The following PHF10 variants were observed in gnomAD, a reference collection of about 807,000 sequenced individuals.
PHF10 encodes the protein BRG1-associated factor 45a.
A neutral mutation model predicts 68.5 loss-of-function variants in PHF10; 51 were observed. The observed-to-expected ratio is 0.74, with a 90% CI of 0.59 to 0.94. PHF10 has a LOEUF of 0.94. Among genes scored for constraint, PHF10 ranks in the 40% least tolerant of loss-of-function variants. PHF10 has a pLI of 0.00. For synonymous variants in PHF10, 204 were observed against 203.5 expected (o/e 1.00, Z -0.02); for missense variants, 460 against 602.6 (o/e 0.76, Z 2.48).
At chr6:169,714,631 G>A (rs1411714780) in intron 7 of PHF10, 102 bp downstream of exon 7, 1 of 710,170 alleles carries the variant, frequency 1.4e-6, no homozygotes, top group South Asian at 1.6e-5. Flanking sequence ...GATATCTTAC[G>A]GTGATATCTA....
At chr6:169,716,423 A>C (rs1376622871) in intron 4 of PHF10, among the ~76,000 whole-genome samples, 1 of 152,006 alleles carries the variant, frequency 6.6e-6, no homozygotes, top group Non-Finnish European at 1.5e-5. Context: ...GTACTACAGA[A>C]TACTAGATGA....
chr6:169,707,173 TTAAAC>T (rs1446265239), intron 9 of PHF10: 3 of 151,994 alleles, frequency 2.0e-5, no homozygotes, highest in Non-Finnish European at 4.4e-5. Context: ...AACTTTACTA[TTAAAC>T]TAATCTCCTG....
At position 169,723,998 on chromosome 6, in the gene PHF10, TGCC is replaced by T. The variant is rs1161850118; in HGVS notation, c.-70_-68del. On this transcript the variant is annotated 5_prime_UTR_variant, in exon 1 of 12. Transcript: ENST00000339209. ...GCCTTGTCCCGGCCGCCGCCGCCGCTGCCGCCGCCGCCGCCGCCGCCGCCGCGC... is the reference window on the plus strand; with the variant it reads ...GCCTTGTCCCGGCCGCCGCCGCCGCTGCCGCCGCCGCCGCCGCCGCCGCGC... 2.4e-3 allele frequency: 766 copies of T among 325,876 alleles called. 3 individuals are homozygous for T. The highest frequency in any genetic ancestry group is 8.0e-3 in the South Asian group (67 of 8,350). The allele number at this position is 325,876 out of a possible 1,614,324, so 20.2% of individuals were successfully genotyped here. A position where few individuals can be genotyped will look rare whatever the true frequency, so the allele number is the denominator to read the frequency against.
intron 11 of PHF10, 154 bp downstream of exon 11, chr6:169,704,979 T>C (rs1788726152): frequency 2.0e-6 from 1 of 488,474 alleles, no homozygotes; most frequent in Middle Eastern, 5.4e-4. Flanking sequence ...GATGAAAAGC[T>C]GGTGGACATG....
At chr6:169,722,865 C>A (rs368079890) in intron 1 of PHF10, among the ~76,000 whole-genome samples, 5 of 152,210 alleles carry the variant, frequency 3.3e-5, no homozygotes, top group Admixed American at 6.5e-5. Context: ...ACTCAGGGGG[C>A]ACTGGCTCAG....
In PHF10 at chr6:169,703,957, AATATTCCACTTAAATGC is replaced by A; in HGVS notation, c.*29_*45del. The A allele has an allele frequency of 7.2e-7, 1 of 1,397,572 alleles. No individual in the cohort carries two copies. The highest frequency in any genetic ancestry group is 1.5e-5 in the African/African-American group (1 of 66,890). The allele number at this position is 1,397,572 out of a possible 1,614,324, so 86.6% of individuals were successfully genotyped here. A position where few individuals can be genotyped will look rare whatever the true frequency, so the allele number is the denominator to read the frequency against. On this transcript the variant is annotated 3_prime_UTR_variant, in exon 12 of 12. Coordinates refer to ENST00000339209, the MANE Select transcript of PHF10 (RefSeq NM_018288.4). ...GAAAATAATGTTGTAAATGGCACCAAATATTCCACTTAAATGCATATACAGTATTAGAGTCAAAAACT... is the reference window on the plus strand; with the variant it reads ...GAAAATAATGTTGTAAATGGCACCAAATATACAGTATTAGAGTCAAAAACT...
intron 3 of PHF10, among the ~76,000 whole-genome samples, chr6:169,718,291 T>G (rs978137647): frequency 6.6e-6 from 1 of 152,178 alleles, no homozygotes; most frequent in African/African-American, 2.4e-5. Context: ...GAAATTCACC[T>G]TTCCCATTTT....
In PHF10 at chr6:169,723,983, G is replaced by A. The variant is rs1789256756; in HGVS notation, c.-52C>T. The stretch of plus-strand genomic sequence containing the variant: ...GCCGCCGTCGCCTCCGCCTTGTCCC[G>A]GCCGCCGCCGCCGCTGCCGCCGCCG... On this transcript the variant is annotated 5_prime_UTR_variant, in exon 1 of 12. Transcript: ENST00000339209. 2.0e-6 allele frequency: 1 copy of A among 507,284 alleles called. No homozygotes were observed. The highest frequency in any genetic ancestry group is 2.5e-6 in the Non-Finnish European group (1 of 399,308). The allele number at this position is 507,284 out of a possible 1,614,324, so 31.4% of individuals were successfully genotyped here.
At chr6:169,721,191 T>C (rs570484840) in intron 1 of PHF10, 80 bp from the exon 2 acceptor site, 2 of 778,442 alleles carry the variant, frequency 2.6e-6, no homozygotes, top group Middle Eastern at 3.2e-4. Context: ...AAAGACTGTC[T>C]AAGGACAACT....
At chr6:169,707,135 A>T (rs1340409924) in intron 9 of PHF10, 1 of 152,222 alleles carries the variant, frequency 6.6e-6, no homozygotes, top group East Asian at 1.9e-4. Context: ...AAAATAATAA[A>T]TATCATGGAA....
Position 169,705,618 on chromosome 6 carries a change from C to G in PHF10, c.1220G>C (p.Ser407Thr), listed in dbSNP as rs1194830437. The change falls in exon 10 of 12, where the codon AGT (serine) becomes ACT (threonine). Residue 407 changes from serine to threonine, a missense_variant and splice_region_variant. Ser to Thr is a moderately conservative substitution (Grantham distance 58). Transcript: ENST00000339209. The stretch of plus-strand genomic sequence containing the variant: ...TAAAAAGACATTTCAATACTTACCA[C>G]TATTCTCACATTGGGAGCAGTGTAT... ...SLIHCSQCENSGHPSCLDMTM... is the reference protein window; with the variant it reads ...SLIHCSQCENTGHPSCLDMTM... The G allele has an allele frequency of 2.2e-6, 3 of 1,363,810 alleles. No individual in the cohort carries two copies. The African/African-American group carries it at 4.3e-5, about 19-fold the overall frequency. 84.5% of individuals were successfully genotyped at this position (1,363,810 alleles called of 1,614,324 possible). A position where few individuals can be genotyped will look rare whatever the true frequency, so the allele number is the denominator to read the frequency against.
chr6:169,715,527 A>G (rs1252545514), intron 6 of PHF10, among the ~76,000 whole-genome samples, 181 bp downstream of exon 6: 1 of 152,162 alleles, frequency 6.6e-6, no homozygotes, highest in Non-Finnish European at 1.5e-5. Context: ...AGATCATGCC[A>G]CTGCACTCCA....
rs1789273543 is a variant in PHF10 at position 169,724,358 on chromosome 6, C to CTCGCTCGCCTCAGCCCCGCCGT, written c.-428_-427insACGGCGGGGCTGAGGCGAGCGA. Among the ~76,000 whole-genome samples, 1 of 144,160 alleles carries CTCGCTCGCCTCAGCCCCGCCGT rather than the reference C, an allele frequency of 6.9e-6. No homozygotes were observed. The highest frequency in any genetic ancestry group is 2.5e-5 in the African/African-American group (1 of 40,114). The allele number at this position is 144,160 out of a possible 152,430, so 94.6% of individuals were successfully genotyped here. On this transcript the variant is annotated 5_prime_UTR_variant, in exon 1 of 12. Coordinates refer to ENST00000339209, the MANE Select transcript of PHF10 (RefSeq NM_018288.4). ...CCACTCGCTCGCCTCAGCCCCGCCGCTCGCTCGCCTCAGCCCCGCGGCCGC... is the reference window on the plus strand; with the variant it reads ...CCACTCGCTCGCCTCAGCCCCGCCGCTCGCTCGCCTCAGCCCCGCCGTTCGCTCGCCTCAGCCCCGCGGCCGC...
chr6:169,715,795 T>C lies in PHF10; in HGVS notation c.606A>G (p.Lys202=). Reference sequence around the variant, plus strand: ...TAAATTCTGCTGCTTTTTTGGCAGCTTTCTTAATATACTCAGGCACTTTAC... The same window carrying C: ...TAAATTCTGCTGCTTTTTTGGCAGCCTTCTTAATATACTCAGGCACTTTAC... ...EASKVPEYIK[K]AAKKAAEFNS... The change falls in exon 6 of 12, where the codon AAA becomes AAG. Residue 202 remains lysine, a synonymous_variant. Coordinates refer to ENST00000339209, the MANE Select transcript of PHF10 (RefSeq NM_018288.4). 2.5e-6 allele frequency: 4 copies of C among 1,613,856 alleles called. No homozygotes were observed. The highest frequency in any genetic ancestry group is 3.4e-6 in the Non-Finnish European group (4 of 1,179,858).
chr6:169,704,344 A>G lies in PHF10; in HGVS notation c.1412-256T>C, dbSNP rs1006529713. 1.2e-5 allele frequency: 5 copies of G among 416,896 alleles called. No homozygotes were observed. In the Admixed American group the frequency reaches 2.3e-4, roughly 19 times the overall value. 25.8% of individuals were successfully genotyped at this position (416,896 alleles called of 1,614,324 possible). A position where few individuals can be genotyped will look rare whatever the true frequency, so the allele number is the denominator to read the frequency against. ...CCATACGGTGATACGGACCTTTAAG[A>G]AAGTACAATCTTTCCTGAAATTCAA... On this transcript the variant is annotated intron_variant, in intron 11 of 11. Coordinates refer to ENST00000339209, the MANE Select transcript of PHF10 (RefSeq NM_018288.4).
chr6:169,713,743 T>C (rs1418818942), intron 7 of PHF10, among the ~76,000 whole-genome samples: 1 of 152,218 alleles, frequency 6.6e-6, no homozygotes, highest in East Asian at 1.9e-4. Context: ...ATACTATATT[T>C]TAAATTCTAT....
At chr6:169,719,789 C>A (rs560711446) in intron 2 of PHF10, among the ~76,000 whole-genome samples, 7 of 151,934 alleles carry the variant, frequency 4.6e-5, no homozygotes, top group African/African-American at 1.7e-4. Context: ...ACATATGACA[C>A]CAAAAGCACA....
In PHF10 at chr6:169,712,545, G is replaced by A; in HGVS notation, c.804-6C>T. 1 of 1,597,938 alleles carries A rather than the reference G, an allele frequency of 6.3e-7. No homozygotes were observed. The highest frequency in any genetic ancestry group is 1.1e-5 in the South Asian group (1 of 87,988). On this transcript the variant is annotated splice_region_variant and splice_polypyrimidine_tract_variant and intron_variant, in intron 7 of 11. Transcript: ENST00000339209. Reference sequence around the variant, plus strand: ...GCAGCTCATCTGGTGAGTACCTGAAGTTCAGAGAGTTTATTTTTGGTTTCC... The same window carrying A: ...GCAGCTCATCTGGTGAGTACCTGAAATTCAGAGAGTTTATTTTTGGTTTCC...
At chr6:169,706,344 A>C (rs1788789135) in intron 9 of PHF10, among the ~76,000 whole-genome samples, 1 of 152,188 alleles carries the variant, frequency 6.6e-6, no homozygotes, top group African/African-American at 2.4e-5. Context: ...TAATAAAAGA[A>C]TCTATACTTA....
Sources: allele counts gnomAD v4.1 joint callset (sites outside exome capture counted in the v4.1 genomes callset), GRCh38; gene constraint gnomAD v4.1.1; transcripts MANE v1.5; gene names NCBI Gene and HGNC (gene_info 2026-07-23, HGNC 2026-07-21).